CA10: variants seen among roughly 807,000 people sequenced by gnomAD.
The protein encoded by CA10 is carbonic anhydrase 10 (inactive), also known as carbonic anhydrase-related protein 10.
In CA10, 14 loss-of-function variants were observed where a neutral mutation model predicts 44.2. The observed-to-expected ratio is 0.32, with a 90% CI of 0.21 to 0.50. The LOEUF (loss-of-function observed/expected upper bound fraction) is 0.50. Among genes scored for constraint, CA10 ranks in the 20% least tolerant of loss-of-function variants. The pLI is 0.99. For missense variants in CA10, 350 were observed against 409.7 expected (o/e 0.85, Z 1.26); for synonymous variants, 159 against 141.6 (o/e 1.12, Z -0.87).
chr17:51,736,367 A>G (rs1218050728), intron 4 of CA10, among the ~76,000 whole-genome samples: 2 of 152,200 alleles, frequency 1.3e-5, no homozygotes, highest in African/African-American at 2.4e-5. Flanking sequence ...AGAGGACTTT[A>G]CAGAAACAGC....
At chr17:51,903,217 G>A (rs1041663156) in intron 3 of CA10, among the ~76,000 whole-genome samples, 2 of 152,046 alleles carry the variant, frequency 1.3e-5, no homozygotes, top group African/African-American at 2.4e-5. Context: ...CTGATTCAAG[G>A]GTGAGTTTCT....
intron 6 of CA10, among the ~76,000 whole-genome samples, chr17:51,642,801 C>T (rs974214424): frequency 6.6e-6 from 1 of 152,072 alleles, no homozygotes; most frequent in Non-Finnish European, 1.5e-5. Context: ...CACCACCATG[C>T]CCAGCTAATT....
chr17:51,985,596 T>C (rs539934379), intron 2 of CA10, among the ~76,000 whole-genome samples: 12 of 152,138 alleles, frequency 7.9e-5, no homozygotes, highest in African/African-American at 2.9e-4. Flanking sequence ...GATATGATTA[T>C]ATACCTAGAA....
rs547135604 is a variant in CA10, at chr17:51,880,929, T to C, written c.279+50061A>G. Among the ~76,000 whole-genome samples, 6 of 142,158 alleles carry C rather than the reference T, an allele frequency of 4.2e-5. No individual in the cohort carries two copies. In the East Asian group the frequency reaches 6.3e-4, roughly 15 times the overall value. The allele number at this position is 142,158 out of a possible 152,430, so 93.3% of individuals were successfully genotyped here. A position where few individuals can be genotyped will look rare whatever the true frequency, so the allele number is the denominator to read the frequency against. ...GTGATTAGACAATTTATTTAATATA[T>C]TGAGTAATTAGAAAAAAGTTTTATC... On this transcript the variant is annotated intron_variant, in intron 3 of 8. Coordinates refer to ENST00000451037, the MANE Select transcript of CA10 (RefSeq NM_020178.5).
At chr17:52,034,080 A>G (rs963552086) in intron 2 of CA10, among the ~76,000 whole-genome samples, 1 of 152,250 alleles carries the variant, frequency 6.6e-6, no homozygotes, top group Non-Finnish European at 1.5e-5. Context: ...CTTTATCCGC[A>G]CTTGGAATAT....
chr17:52,106,719 A>G (rs559859733), intron 1 of CA10, among the ~76,000 whole-genome samples: 2 of 152,292 alleles, frequency 1.3e-5, no homozygotes, highest in African/African-American at 4.8e-5. Context: ...CATTTAGCAG[A>G]TATTGATTAC....
chr17:51,681,726 C>T (rs572467348), intron 4 of CA10, among the ~76,000 whole-genome samples: 1 of 152,274 alleles, frequency 6.6e-6, no homozygotes, highest in African/African-American at 2.4e-5. Flanking sequence ...GCAGTTTTGT[C>T]ACATGGCTAT....
intron 3 of CA10, among the ~76,000 whole-genome samples, chr17:51,901,587 G>T (rs73987303): frequency 0.1 from 15,812 of 152,080 alleles, 1,079 homozygotes; most frequent in African/African-American, 0.2. Context: ...ACTTGCACTG[G>T]CAGTGGTGGT....
At chr17:51,787,145 G>A (rs1171233342) in intron 3 of CA10, among the ~76,000 whole-genome samples, 1 of 152,126 alleles carries the variant, frequency 6.6e-6, no homozygotes, top group Non-Finnish European at 1.5e-5. Context: ...TTTCTTTGAT[G>A]TGTCTTTGTC....
At chr17:51,766,922 G>A (rs1274856858) in intron 3 of CA10, among the ~76,000 whole-genome samples, 2 of 151,872 alleles carry the variant, frequency 1.3e-5, no homozygotes, top group African/African-American at 4.9e-5. Context: ...GATAGGCAAT[G>A]ACTGGCAATG....
At chr17:51,942,379 T>C (rs1385074305) in intron 2 of CA10, among the ~76,000 whole-genome samples, 1 of 152,030 alleles carries the variant, frequency 6.6e-6, no homozygotes, top group Non-Finnish European at 1.5e-5. Flanking sequence ...CTAGGATTCA[T>C]TGTCCAATAA....
chr17:51,812,342 G>T (rs1907403268), intron 3 of CA10, among the ~76,000 whole-genome samples: 1 of 152,094 alleles, frequency 6.6e-6, no homozygotes, highest in East Asian at 1.9e-4. Flanking sequence ...GCATCTATAT[G>T]GTAGAGATAG....
intron 3 of CA10, among the ~76,000 whole-genome samples, chr17:51,813,801 T>C (rs973020611): frequency 3.3e-5 from 5 of 152,038 alleles, no homozygotes. Flanking sequence ...GCAGGTATTA[T>C]AAAAAAAATT....
chr17:51,843,420 T>C (rs540407214), intron 3 of CA10, among the ~76,000 whole-genome samples: 52 of 152,376 alleles, frequency 3.4e-4, no homozygotes, highest in African/African-American at 1.1e-3. Context: ...CCTTGCACAC[T>C]GGTTTAAGAC....
At chr17:51,742,499 C>A (rs1052258160) in intron 4 of CA10, among the ~76,000 whole-genome samples, 2 of 152,168 alleles carry the variant, frequency 1.3e-5, no homozygotes, top group South Asian at 2.1e-4. Flanking sequence ...CTTATTCCTA[C>A]AAATTTGTGT....
intron 4 of CA10, among the ~76,000 whole-genome samples, chr17:51,711,044 T>G (rs778672922): frequency 4.7e-5 from 7 of 150,316 alleles, no homozygotes; most frequent in Non-Finnish European, 1.0e-4. Context: ...AACACTTAAG[T>G]TAATTAAATG....
chr17:52,086,651 A>C (rs1988124427), intron 1 of CA10, among the ~76,000 whole-genome samples: 1 of 152,216 alleles, frequency 6.6e-6, no homozygotes, highest in African/African-American at 2.4e-5. Flanking sequence ...AATGACACTG[A>C]AGAGAATTTG....
rs143780158 is a variant in CA10 at position 51,880,073 on chromosome 17, C to G, written c.279+50917G>C. 2.6e-3 allele frequency among the ~76,000 whole-genome samples: 403 copies of G among 152,274 alleles called. 1 individual carries two copies. The highest frequency in any genetic ancestry group is 9.0e-3 in the African/African-American group (373 of 41,552). On this transcript the variant is annotated intron_variant, in intron 3 of 8. Coordinates refer to ENST00000451037, the MANE Select transcript of CA10 (RefSeq NM_020178.5). ...TCAACTATCTTCTTTATAGGGCTCTCATACTCCAGGCCACTAACCACCTGC... is the reference window on the plus strand; with the variant it reads ...TCAACTATCTTCTTTATAGGGCTCTGATACTCCAGGCCACTAACCACCTGC...
At chr17:51,785,998 T>G (rs1906256124) in intron 3 of CA10, among the ~76,000 whole-genome samples, 2 of 152,166 alleles carry the variant, frequency 1.3e-5, no homozygotes, top group South Asian at 2.1e-4. Flanking sequence ...TTCATCAGTG[T>G]TTTATTGTTT....
Sources: allele counts gnomAD v4.1 joint callset (sites outside exome capture counted in the v4.1 genomes callset), GRCh38; gene constraint gnomAD v4.1.1; transcripts MANE v1.5; gene names NCBI Gene and HGNC (gene_info 2026-07-23, HGNC 2026-07-21).